Variants in EIPR1 observed in about 807,000 individuals in gnomAD.
EIPR1 encodes EARP complex and GARP complex interacting protein 1, also known as EARP and GARP complex-interacting protein 1.
In EIPR1, 25 loss-of-function variants were observed where a neutral mutation model predicts 48.1. The ratio of observed to expected loss-of-function variants is 0.52; its 90% CI spans 0.38 to 0.73. EIPR1 has a LOEUF of 0.73. Ranked by LOEUF, EIPR1 falls within the 30% of genes least tolerant of loss-of-function variation. The pLI is 0.00. For synonymous variants in EIPR1, 204 were observed against 201.9 expected, an observed-to-expected ratio of 1.01 and a Z score of -0.09; for missense variants, 415 against 506.2, an observed-to-expected ratio of 0.82 and a Z score of 1.73.
At chr2:3,261,200 G>A (rs1299118946) in intron 3 of EIPR1, among the ~76,000 whole-genome samples, 1 of 152,088 alleles carries the variant, frequency 6.6e-6, no homozygotes, top group Non-Finnish European at 1.5e-5. Context: ...AACTGGCAGA[G>A]GGCTGTGGAG....
In EIPR1 at chr2:3,214,136, T is replaced by C. The variant is rs551540957; in HGVS notation, c.516+13A>G. 3 of 1,610,502 alleles carry C rather than the reference T, an allele frequency of 1.9e-6. No individual in the cohort carries two copies. Among genetic ancestry groups the C allele is most frequent in the African/African-American group, 2.7e-5 (2 of 74,956 alleles). On this transcript the variant is annotated intron_variant, in intron 5 of 8. Coordinates refer to ENST00000382125, the MANE Select transcript of EIPR1 (RefSeq NM_003310.5). ...AATACAGAAACAAACGCTGTGTTGT[T>C]GCTTTTACTTACCACAGCCTGGCTC...
intron 3 of EIPR1, among the ~76,000 whole-genome samples, chr2:3,265,213 T>A (rs1001735007): frequency 1.1e-5 from 1 of 89,720 alleles, no homozygotes; most frequent in Admixed American, 1.1e-4. Flanking sequence ...GCAGGAGGTG[T>A]CTCTGGCATC....
chr2:3,227,596 A>G (rs1002663890), intron 4 of EIPR1, among the ~76,000 whole-genome samples: 1 of 152,258 alleles, frequency 6.6e-6, no homozygotes, highest in Admixed American at 6.5e-5. Flanking sequence ...AAGTAACAAG[A>G]AGTCGAATGT....
At chr2:3,260,497 T>TGAAG (rs56357528) in intron 3 of EIPR1, among the ~76,000 whole-genome samples, 7,241 of 37,780 alleles carry the variant, frequency 0.19, 514 homozygotes, top group East Asian at 0.22. Context: ...TCTCAAAAAA[T>TGAAG]GAAGGAAGGA....
At chr2:3,192,030 C>T (rs926875464) in intron 8 of EIPR1, among the ~76,000 whole-genome samples, 1 of 152,152 alleles carries the variant, frequency 6.6e-6, no homozygotes, top group African/African-American at 2.4e-5. Flanking sequence ...CTCAAATCCA[C>T]GCCAGTGAAG....
chr2:3,306,511 A>G (rs1319281154), intron 3 of EIPR1, among the ~76,000 whole-genome samples: 1 of 152,222 alleles, frequency 6.6e-6, no homozygotes, highest in East Asian at 1.9e-4. Context: ...TTGGCTCCCC[A>G]AAAACTTAAC....
intron 1 of EIPR1, among the ~76,000 whole-genome samples, chr2:3,361,510 C>T (rs1201136296): frequency 6.6e-6 from 1 of 152,084 alleles, no homozygotes; most frequent in Non-Finnish European, 1.5e-5. Flanking sequence ...TGATGTCCCT[C>T]CCAAACTACT....
chr2:3,227,231 C>A (rs924345698), intron 4 of EIPR1, among the ~76,000 whole-genome samples: 1 of 152,198 alleles, frequency 6.6e-6, no homozygotes, highest in African/African-American at 2.4e-5. Context: ...CAAGAAGATG[C>A]AGGAAAGTTT....
intron 3 of EIPR1, among the ~76,000 whole-genome samples, chr2:3,281,148 G>A (rs1001982511): frequency 2.0e-5 from 3 of 152,070 alleles, no homozygotes; most frequent in Admixed American, 1.3e-4. Context: ...TTCGGTACTC[G>A]AGGTCTGGCT....
At chr2:3,245,067 T>C (rs1666752873) in intron 4 of EIPR1, among the ~76,000 whole-genome samples, 1 of 152,230 alleles carries the variant, frequency 6.6e-6, no homozygotes, top group African/African-American at 2.4e-5. Flanking sequence ...TTTACTAAAG[T>C]ATTTTCTCAT....
chr2:3,295,980 C>T (rs1572408793), intron 3 of EIPR1, among the ~76,000 whole-genome samples: 1 of 136,744 alleles, frequency 7.3e-6, no homozygotes, highest in African/African-American at 2.8e-5. Context: ...TCTGCACACA[C>T]ACCCTCCATC....
chr2:3,217,065 A>G (rs976720911), intron 4 of EIPR1, among the ~76,000 whole-genome samples: 3 of 152,218 alleles, frequency 2.0e-5, no homozygotes, highest in Admixed American at 2.0e-4. Context: ...TTCTAAATCC[A>G]CAAGAGAACA....
At chr2:3,347,175 C>T (rs994011174) in intron 2 of EIPR1, among the ~76,000 whole-genome samples, 1 of 152,158 alleles carries the variant, frequency 6.6e-6, no homozygotes, top group African/African-American at 2.4e-5. Context: ...GTATGGCCTG[C>T]AGAACCATGA....
At chr2:3,293,802 CTTGATCACAGACAATTTTGAAT>C (rs1462830327) in intron 3 of EIPR1, among the ~76,000 whole-genome samples, 2 of 152,350 alleles carry the variant, frequency 1.3e-5, no homozygotes, top group East Asian at 3.9e-4. Flanking sequence ...TCATCTTCAA[CTTGATCACAGACAATTTTGAAT>C]TTGTCTGTCG....
intron 3 of EIPR1, among the ~76,000 whole-genome samples, chr2:3,271,794 T>C (rs1667708856): frequency 6.6e-6 from 1 of 152,234 alleles, no homozygotes; most frequent in African/African-American, 2.4e-5. Flanking sequence ...ACAACTCCAT[T>C]AGCCCCTAAT....
At chr2:3,321,848 C>G (rs1669539181) in intron 3 of EIPR1, among the ~76,000 whole-genome samples, 1 of 152,156 alleles carries the variant, frequency 6.6e-6, no homozygotes, top group Non-Finnish European at 1.5e-5. Context: ...GACATCACTC[C>G]CAGTGAACAG....
At chr2:3,192,645 A>G in intron 7 of EIPR1, 64 bp from the exon 8 acceptor site, 2 of 1,556,272 alleles carry the variant, frequency 1.3e-6, no homozygotes, top group Non-Finnish European at 1.7e-6. Context: ...ACAATGGATC[A>G]CACCGGCTCT....
At chr2:3,241,833 G>A (rs910537516) in intron 4 of EIPR1, among the ~76,000 whole-genome samples, 5 of 152,110 alleles carry the variant, frequency 3.3e-5, no homozygotes, top group South Asian at 2.1e-4. Flanking sequence ...GTCCTAATTC[G>A]GCAGGTTTCA....
chr2:3,235,420 G>A (rs534392134), intron 4 of EIPR1, among the ~76,000 whole-genome samples: 26 of 135,054 alleles, frequency 1.9e-4, no homozygotes, highest in Middle Eastern at 3.7e-3. Flanking sequence ...GCATGCGGGT[G>A]CGCACACACA....
Sources: allele counts gnomAD v4.1 joint callset (sites outside exome capture counted in the v4.1 genomes callset), GRCh38; gene constraint gnomAD v4.1.1; transcripts MANE v1.5; gene names NCBI Gene and HGNC (gene_info 2026-07-23, HGNC 2026-07-21).